Variants in CFAP46 observed in about 807,000 individuals in gnomAD.
CFAP46 encodes the protein cilia- and flagella-associated protein 46.
A neutral mutation model predicts 325.7 loss-of-function variants in CFAP46; 245 were observed. That is an observed-to-expected ratio of 0.75 (90% confidence interval 0.68 to 0.84). The LOEUF is 0.84. Ranked by LOEUF, CFAP46 falls within the 40% of genes least tolerant of loss-of-function variation. The probability of loss-of-function intolerance (pLI) is 0.00; values close to 1 mark genes in which losing one functional copy is unlikely to be tolerated. For synonymous variants in CFAP46, 1,523 were observed against 1,495.9 expected, an observed-to-expected ratio of 1.02 and a Z score of -0.42; for missense variants, 3,346 against 3,543.0, an observed-to-expected ratio of 0.94 and a Z score of 1.41.
chr10:132,818,454 T>C (rs1173530406), intron 50 of CFAP46, among the ~76,000 whole-genome samples: 1 of 151,956 alleles, frequency 6.6e-6, no homozygotes, highest in Non-Finnish European at 1.5e-5. Flanking sequence ...CAGCTAACAG[T>C]GAAAAGCACA....
Position 132,936,985 on chromosome 10 carries a change from G to T in CFAP46, c.731C>A (p.Thr244Asn). The T allele has an allele frequency of 6.5e-7, 1 of 1,545,916 alleles. No homozygotes were observed. Among genetic ancestry groups the T allele is most frequent in the South Asian group, 1.3e-5 (1 of 78,470 alleles). ...EKKNSISLSV[T>N]FYINMLKAKA... ...CGCCTTTAGCATATTAATATAGAAA[G>T]TGACTGACAGGCTAATGGAATTTTT... Residue 244 changes from threonine (T) to asparagine (N), a missense_variant, in exon 7 of 58, where the codon ACT (threonine) becomes AAT (asparagine). By Grantham distance (65) the Thr-to-Asn change is moderately conservative (BLOSUM62 0). Coordinates refer to ENST00000368586, the MANE Select transcript of CFAP46 (RefSeq NM_001200049.3).
intron 44 of CFAP46, among the ~76,000 whole-genome samples, chr10:132,842,831 C>T (rs896451625): frequency 3.9e-5 from 6 of 152,286 alleles, no homozygotes; most frequent in Middle Eastern, 3.4e-3. Context: ...TGTGTTAGCC[C>T]AGGTCTTTTC....
rs1271377717 is a variant in CFAP46 at position 132,884,631 on chromosome 10, C to G, written c.3627+472G>C. Among the ~76,000 whole-genome samples the G allele has an allele frequency of 7.9e-5, 12 of 152,164 alleles. No individual in the cohort carries two copies. The highest frequency in any genetic ancestry group is 7.2e-4 in the Admixed American group (11 of 15,288). On this transcript the variant is annotated intron_variant, in intron 27 of 57. Coordinates refer to ENST00000368586, the MANE Select transcript of CFAP46 (RefSeq NM_001200049.3). The surrounding 1 kb of genome is among the most constrained non-coding windows in gnomAD (Gnocchi z 5.4). ...CCTCCTGAGCCCACCCCAAGGGGAACGTCCATCTCGCCTTCCTGGGGGTGG... is the reference window on the plus strand; with the variant it reads ...CCTCCTGAGCCCACCCCAAGGGGAAGGTCCATCTCGCCTTCCTGGGGGTGG...
intron 49 of CFAP46, 44 bp downstream of exon 49, chr10:132,833,997 G>A (rs370852893): frequency 1.8e-5 from 29 of 1,581,792 alleles, no homozygotes; most frequent in South Asian, 4.4e-5. Context: ...CTCTTCTGGC[G>A]GGATGAGCTC....
intron 33 of CFAP46, 89 bp from the exon 34 acceptor site, chr10:132,867,596 A>C (rs566538264): frequency 6.9e-7 from 1 of 1,455,618 alleles, no homozygotes; most frequent in Admixed American, 2.4e-5. Context: ...AAACGAAAAC[A>C]GCCACAATTA....
rs146074411 is a variant in CFAP46 at position 132,808,577 on chromosome 10, C to G, written c.7992G>C (p.Ser2664=). 1.2e-5 allele frequency: 19 copies of G among 1,612,806 alleles called. No homozygotes were observed. The highest frequency in any genetic ancestry group is 1.0e-4 in the Admixed American group (6 of 60,000). The change falls in exon 58 of 58, where the codon TCG becomes TCC. Residue 2664 remains serine, a synonymous_variant. Coordinates refer to ENST00000368586, the MANE Select transcript of CFAP46 (RefSeq NM_001200049.3). This position sits in a 1 kb window ranked among gnomAD's most constrained non-coding sequence, Gnocchi z 6.8. ...ATGGCGCACACAGGCAGGCAGAGCT[C>G]GAGGTCCAGGCGGCTGCCTTGCGGG... ...ATSRKAAAWT[S]SSACLCAPWG...
intron 44 of CFAP46, among the ~76,000 whole-genome samples, chr10:132,844,353 G>A (rs1020871266): frequency 6.6e-6 from 1 of 152,178 alleles, no homozygotes; most frequent in Non-Finnish European, 1.5e-5. Context: ...GCCCCAGGAT[G>A]GACGGTGAGG....
chr10:132,918,596 T>C (rs1306342235), intron 15 of CFAP46, 76 bp from the exon 16 acceptor site: 45 of 1,455,826 alleles, frequency 3.1e-5, no homozygotes, highest in Non-Finnish European at 3.9e-5. Context: ...TCCTGAACCA[T>C]CTTGGAGTGC....
At chr10:132,931,050 A>T (rs1329383138) in intron 8 of CFAP46, among the ~76,000 whole-genome samples, 6 of 79,082 alleles carry the variant, frequency 7.6e-5, no homozygotes, top group African/African-American at 2.1e-4. Context: ...CACTCCCCAC[A>T]CAGAGCCTGG....
Position 132,869,466 on chromosome 10 carries a change from T to TC in CFAP46, c.4512-95_4512-94insG. 1.2e-6 allele frequency: 1 copy of TC among 843,626 alleles called. No homozygotes were observed. 52.3% of individuals were successfully genotyped at this position (843,626 alleles called of 1,614,324 possible). Reference sequence around the variant, plus strand: ...GTGTGCTTCACAGAAAACGGTCAACTAACACATCGAGGCACACTTGGATGG... The same window carrying TC: ...GTGTGCTTCACAGAAAACGGTCAACTCAACACATCGAGGCACACTTGGATGG... On this transcript the variant is annotated intron_variant, in intron 32 of 57. Transcript: ENST00000368586. The surrounding 1 kb of genome is among the most constrained non-coding windows in gnomAD (Gnocchi z 6.2).
chr10:132,899,241 C>A, intron 23 of CFAP46, 120 bp from the exon 24 acceptor site: 2 of 1,167,486 alleles, frequency 1.7e-6, no homozygotes, highest in Non-Finnish European at 2.4e-6. Context: ...CCCTCCTGGG[C>A]ATGTGGCTTG....
At chr10:132,824,873 CTG>C (rs1330948222) in intron 50 of CFAP46, among the ~76,000 whole-genome samples, 25 of 128,714 alleles carry the variant, frequency 1.9e-4, no homozygotes, top group Non-Finnish European at 3.0e-4. Context: ...CTGATGTGTG[CTG>C]TGTGTGCAGT....
chr10:132,860,940 G>A lies in CFAP46; in HGVS notation c.4933C>T (p.Leu1645Phe), dbSNP rs1260831796. The A allele has an allele frequency of 1.3e-6, 2 of 1,550,712 alleles. No homozygotes were observed. The highest frequency in any genetic ancestry group is 1.7e-6 in the Non-Finnish European group (2 of 1,147,032). Residue 1645 changes from leucine to phenylalanine, a missense_variant, in exon 36 of 58, where the codon CTC (leucine) becomes TTC (phenylalanine). Leu to Phe is a conservative substitution (Grantham distance 22). Transcript: ENST00000368586. ...PCAEAQCLLL[L>F]AQLANKEKNY... Reference sequence around the variant, plus strand: ...TTCTCCTTGTTGGCCAACTGTGCGAGGAGGAGCAGGCACTGGGCCTCTGCA... The same window carrying A: ...TTCTCCTTGTTGGCCAACTGTGCGAAGAGGAGCAGGCACTGGGCCTCTGCA...
intron 29 of CFAP46, 80 bp from the exon 30 acceptor site, chr10:132,878,167 G>A: frequency 7.4e-7 from 1 of 1,349,808 alleles, no homozygotes; most frequent in Admixed American, 2.0e-5. Flanking sequence ...TCCTGGATGA[G>A]GGACGCTCAG....
intron 55 of CFAP46, among the ~76,000 whole-genome samples, chr10:132,811,388 G>A (rs954314375): frequency 2.6e-5 from 4 of 152,232 alleles, no homozygotes; most frequent in Admixed American, 6.5e-5. Flanking sequence ...TGAGGTGTAC[G>A]AGGTGGAGCC....
intron 23 of CFAP46, 90 bp from the exon 24 acceptor site, chr10:132,899,211 G>A (rs763255872): frequency 1.9e-4 from 271 of 1,399,588 alleles, no homozygotes; most frequent in Non-Finnish European, 2.4e-4. Flanking sequence ...GGGCGCCCAG[G>A]GCCCAGCCAC....
chr10:132,884,609 C>A lies in CFAP46; in HGVS notation c.3627+494G>T, dbSNP rs1251344043. 6.6e-6 allele frequency among the ~76,000 whole-genome samples: 1 copy of A among 152,208 alleles called. No individual in the cohort carries two copies. The highest frequency in any genetic ancestry group is 6.5e-5 in the Admixed American group (1 of 15,292). On this transcript the variant is annotated intron_variant, in intron 27 of 57. Coordinates refer to ENST00000368586, the MANE Select transcript of CFAP46 (RefSeq NM_001200049.3). The surrounding 1 kb of genome is among the most constrained non-coding windows in gnomAD (Gnocchi z 5.4). ...ATCAACGCCAAAGCACCCACCTCCT[C>A]CTGAGCCCACCCCAAGGGGAACGTC...
chr10:132,912,584 CCTCTCTCTCTCTCCTCTCTCCTCT>C (rs1849566570), intron 19 of CFAP46, 47 bp downstream of exon 19: 1 of 1,362,312 alleles, frequency 7.3e-7, no homozygotes, highest in Non-Finnish European at 9.7e-7. Flanking sequence ...CCTCTCCTCT[CCTCTCTCTCTCTCCTCTCTCCTCT>C]CTCTCTCTCT....
At chr10:132,921,907 T>A (rs1036201106) in intron 13 of CFAP46, among the ~76,000 whole-genome samples, 197 bp downstream of exon 13, 7 of 152,218 alleles carry the variant, frequency 4.6e-5, no homozygotes, top group Non-Finnish European at 1.0e-4. Context: ...CCGACTTGAC[T>A]GGCGTGTGCA....
Sources: gnomAD v4.1 joint callset for allele counts (sites outside exome capture counted in the v4.1 genomes callset) on GRCh38, gnomAD v4.1.1 for gene constraint, Gnocchi (gnomAD v3.1) non-coding constraint, MANE v1.5 for transcripts, NCBI Gene and HGNC (gene_info 2026-07-23, HGNC 2026-07-21) for gene names.